RNF157: variants seen among roughly 807,000 people sequenced by gnomAD.
RNF157 encodes the protein E3 ubiquitin ligase RNF157.
In RNF157, 55 loss-of-function variants were observed where a neutral mutation model predicts 88.3. That is an observed-to-expected ratio of 0.62 (90% CI 0.50 to 0.78). The LOEUF (loss-of-function observed/expected upper bound fraction) is 0.78, where lower values mean the gene tolerates loss of function less well. Ranked by LOEUF, RNF157 falls within the 30% of genes least tolerant of loss-of-function variation. The pLI is 0.00. For missense variants in RNF157, 788 were observed against 860.8 expected (o/e 0.92, Z 1.06); for synonymous variants, 334 against 341.2 (o/e 0.98, Z 0.23).
chr17:76,197,562 T>C (rs1228562214), intron 2 of RNF157, among the ~76,000 whole-genome samples: 1 of 152,068 alleles, frequency 6.6e-6, no homozygotes, highest in Non-Finnish European at 1.5e-5. Flanking sequence ...CCTTTGGCAA[T>C]TTTTACTTAT....
chr17:76,226,236 C>T lies in RNF157; in HGVS notation c.89-13754G>A. 5 of 1,611,614 alleles carry T rather than the reference C, an allele frequency of 3.1e-6. No homozygotes were observed. The South Asian group carries it at 5.5e-5, about 18-fold the overall frequency. ...GCAGTGGAGTCCGGCTTCCTATCTTCTTCAGTGATATCCACTTCACTGCCC... is the reference window on the plus strand; with the variant it reads ...GCAGTGGAGTCCGGCTTCCTATCTTTTTCAGTGATATCCACTTCACTGCCC... On this transcript the variant is annotated intron_variant, in intron 1 of 18. Coordinates refer to ENST00000269391, the MANE Select transcript of RNF157 (RefSeq NM_052916.3).
At chr17:76,156,364 C>T in intron 13 of RNF157, 43 bp from the exon 14 acceptor site, 1 of 1,612,782 alleles carries the variant, frequency 6.2e-7, no homozygotes, top group Non-Finnish European at 8.5e-7. Context: ...GAGCAAGCGC[C>T]AGTCACCTGT....
intron 5 of RNF157, 23 bp from the exon 6 acceptor site, chr17:76,166,550 G>GAAAAAAAAAAA: frequency 6.4e-7 from 1 of 1,568,636 alleles, no homozygotes; most frequent in Non-Finnish European, 8.7e-7. Context: ...AAAAGGAAAG[G>GAAAAAAAAAAA]AAAAAAAAAG....
intron 2 of RNF157, among the ~76,000 whole-genome samples, chr17:76,204,632 A>T (rs73360646): frequency 3.9e-5 from 6 of 152,146 alleles, no homozygotes; most frequent in African/African-American, 1.4e-4. Context: ...TATACTACCA[A>T]GTTCCTTTAA....
intron 1 of RNF157, 58 bp from the exon 2 acceptor site, chr17:76,212,540 G>A: frequency 2.0e-6 from 2 of 1,025,140 alleles, no homozygotes; most frequent in Admixed American, 2.1e-5. Flanking sequence ...CCTAAATCTA[G>A]TAAAAAAAAA....
chr17:76,142,841 C>A lies in RNF157; in HGVS notation c.*2394G>T. The A allele has an allele frequency of 6.5e-6, 1 of 152,694 alleles. No individual in the cohort carries two copies. The highest frequency in any genetic ancestry group is 1.5e-5 in the Non-Finnish European group (1 of 68,230). The allele number at this position is 152,694 out of a possible 1,614,324, so 9.5% of individuals were successfully genotyped here. On this transcript the variant is annotated 3_prime_UTR_variant, in exon 19 of 19. Coordinates refer to ENST00000269391, the MANE Select transcript of RNF157 (RefSeq NM_052916.3). ...GGGCTCTGTGAGGAAGCCGGGATCA[C>A]ACCACCTGAAGGCAATAGGGAGAGC...
chr17:76,156,116 T>A, intron 14 of RNF157, 94 bp downstream of exon 14: 1 of 950,410 alleles, frequency 1.1e-6, no homozygotes, highest in Non-Finnish European at 1.7e-6. Flanking sequence ...GGTATTAGCT[T>A]GCCACTCCCA....
chr17:76,161,865 G>A lies in RNF157; in HGVS notation c.930C>T (p.Asn310=). Residue 310 remains asparagine (N), a synonymous_variant, in exon 10 of 19, where the codon AAC becomes AAT. Transcript: ENST00000269391. This position sits in a 1 kb window ranked among gnomAD's most constrained non-coding sequence, Gnocchi z 4.6. ...TACGCAGTCGGCAGATGGGGCAGTTGTTGGCCTGGTAGCGCAGCGTGTCTG... is the reference window on the plus strand; with the variant it reads ...TACGCAGTCGGCAGATGGGGCAGTTATTGGCCTGGTAGCGCAGCGTGTCTG... ...TCADTLRYQA[N]NCPICRLPFR... is the part of the protein sequence containing the mutation. 6.2e-7 allele frequency: 1 copy of A among 1,614,210 alleles called. No homozygotes were observed. The highest frequency in any genetic ancestry group is 8.5e-7 in the Non-Finnish European group (1 of 1,180,018).
intron 1 of RNF157, among the ~76,000 whole-genome samples, chr17:76,224,376 A>G (rs1292268484): frequency 1.5e-5 from 2 of 137,044 alleles, no homozygotes; most frequent in African/African-American, 2.5e-5. Context: ...ATAAAGGACA[A>G]TTAAACCCAT....
intron 2 of RNF157, among the ~76,000 whole-genome samples, chr17:76,211,115 A>G (rs931826759): frequency 2.0e-5 from 3 of 152,190 alleles, no homozygotes; most frequent in African/African-American, 7.2e-5. Context: ...CACCTTTCCA[A>G]TCGGGCCAGA....
Position 76,143,352 on chromosome 17 carries a change from A to C in RNF157, c.*1883T>G, listed in dbSNP as rs890861471. On this transcript the variant is annotated 3_prime_UTR_variant, in exon 19 of 19. Transcript: ENST00000269391. Reference sequence around the variant, plus strand: ...GCTCCTTCCTCCCTCCTCCCAGGTAACACCACACTGTGAATACTACCTGCA... The same window carrying C: ...GCTCCTTCCTCCCTCCTCCCAGGTACCACCACACTGTGAATACTACCTGCA... 1.3e-5 allele frequency: 2 copies of C among 152,308 alleles called. No individual in the cohort carries two copies. Among genetic ancestry groups the C allele is most frequent in the East Asian group, 1.9e-4 (1 of 5,182 alleles). 9.4% of individuals were successfully genotyped at this position (152,308 alleles called of 1,614,324 possible). A position where few individuals can be genotyped will look rare whatever the true frequency, so the allele number is the denominator to read the frequency against.
intron 13 of RNF157, 118 bp from the exon 14 acceptor site, chr17:76,156,439 G>C (rs1180776472): frequency 1.3e-6 from 2 of 1,509,628 alleles, no homozygotes; most frequent in Admixed American, 4.7e-5. Context: ...CACTGGGAGG[G>C]ACTGAGTGGC....
In RNF157 at chr17:76,202,334, C is replaced by T. The variant is rs576252983; in HGVS notation, c.207+10030G>A. On this transcript the variant is annotated intron_variant, in intron 2 of 18. Coordinates refer to ENST00000269391, the MANE Select transcript of RNF157 (RefSeq NM_052916.3). ...CACAGCATCTGGGGTAAGTGGTGGC[C>T]TCTCACAGAGGCTGTTCCTTGGAGT... Among the ~76,000 whole-genome samples, 17 of 152,292 alleles carry T rather than the reference C, an allele frequency of 1.1e-4. 1 individual carries two copies. Among genetic ancestry groups the T allele is most frequent in the African/African-American group, 3.8e-4 (16 of 41,564 alleles).
chr17:76,204,260 T>G (rs553719385), intron 2 of RNF157, among the ~76,000 whole-genome samples: 1 of 152,282 alleles, frequency 6.6e-6, no homozygotes, highest in Non-Finnish European at 1.5e-5. Context: ...CTCAGATGCC[T>G]CTCCTCATCT....
At chr17:76,235,110 C>T (rs187422282) in intron 1 of RNF157, among the ~76,000 whole-genome samples, 47 of 152,072 alleles carry the variant, frequency 3.1e-4, no homozygotes, top group Non-Finnish European at 5.4e-4. Context: ...CGATAGTCCT[C>T]CAACTTTGTT....
Position 76,161,775 on chromosome 17 carries a change from C to T in RNF157, c.952+68G>A. The T allele has an allele frequency of 6.4e-7, 1 of 1,574,056 alleles. No individual in the cohort carries two copies. On this transcript the variant is annotated intron_variant, in intron 10 of 18. Coordinates refer to ENST00000269391, the MANE Select transcript of RNF157 (RefSeq NM_052916.3). The surrounding 1 kb of genome is among the most constrained non-coding windows in gnomAD (Gnocchi z 4.6). ...TCAGATCCAGCAGCAGCACATGCTT[C>T]AGTGTTTTGTAAATGTCCTCTTGTC... is the stretch of plus-strand genomic sequence containing the variant.
intron 1 of RNF157, among the ~76,000 whole-genome samples, chr17:76,213,320 A>G (rs1336652172): frequency 1.3e-5 from 2 of 152,228 alleles, no homozygotes; most frequent in Admixed American, 1.3e-4. Flanking sequence ...CTGTAATCCC[A>G]GCACTTTGGG....
chr17:76,190,667 C>A (rs1402319260), intron 2 of RNF157, among the ~76,000 whole-genome samples: 2 of 151,246 alleles, frequency 1.3e-5, no homozygotes, highest in Non-Finnish European at 2.9e-5. Context: ...CGCCTGTAAT[C>A]CCAGCACTTT....
In RNF157 at chr17:76,156,281, G is replaced by A. The variant is rs188246806; in HGVS notation, c.1454C>T (p.Ser485Leu). The A allele has an allele frequency of 1.1e-5, 17 of 1,614,118 alleles. No individual in the cohort carries two copies. The highest frequency in any genetic ancestry group is 2.7e-5 in the African/African-American group (2 of 75,008). ...VTPESENLTL[S>L]SSGAIDQSSC... ...CGACTGGTCAATAGCTCCAGATGAC[G>A]ACAAGGTGAGATTCTCACTTTCTGG... The change falls in exon 14 of 19, where the codon TCG (serine) becomes TTG (leucine). Residue 485 changes from serine (S) to leucine (L), a missense_variant. Ser to Leu is a moderately radical substitution (Grantham distance 145). Coordinates refer to ENST00000269391, the MANE Select transcript of RNF157 (RefSeq NM_052916.3).
Sources: allele counts gnomAD v4.1 joint callset (sites outside exome capture counted in the v4.1 genomes callset), GRCh38; gene constraint gnomAD v4.1.1; non-coding constraint Gnocchi (gnomAD v3.1); transcripts MANE v1.5; gene names NCBI Gene and HGNC (gene_info 2026-07-23, HGNC 2026-07-21).